GBA2: variants seen among roughly 807,000 people sequenced by gnomAD.
The protein encoded by GBA2 is glucosylceramidase beta 2.
GBA2 carries 79 observed loss-of-function variants against 112.9 expected under a neutral mutation model. The ratio of observed to expected loss-of-function variants is 0.70; its 90% CI spans 0.58 to 0.84. The LOEUF (loss-of-function observed/expected upper bound fraction) is 0.84. GBA2 is among the 40% of genes least tolerant of loss of function. GBA2 has a pLI of 0.00. For missense variants in GBA2, 1,043 were observed against 1,190.0 expected (o/e 0.88, Z 1.82); for synonymous variants, 403 against 434.3 (o/e 0.93, Z 0.90).
In GBA2 at chr9:35,744,583, T is replaced by C. The variant is rs1826879606; in HGVS notation, c.451+32A>G. The stretch of plus-strand genomic sequence containing the variant: ...TGGTAGACCTGGAGGCTAGGCCTTC[T>C]CTGAGCAGAGCAGAGATGGGGTGGG... On this transcript the variant is annotated intron_variant, in intron 2 of 16. Coordinates refer to ENST00000378103, the MANE Select transcript of GBA2 (RefSeq NM_020944.3). 4.4e-6 allele frequency: 6 copies of C among 1,371,388 alleles called. No homozygotes were observed. The East Asian group carries it at 1.4e-4, about 31-fold the overall frequency. The allele number at this position is 1,371,388 out of a possible 1,614,324, so 85.0% of individuals were successfully genotyped here. A position where few individuals can be genotyped will look rare whatever the true frequency, so the allele number is the denominator to read the frequency against.
rs1247647001 is a variant in GBA2 at position 35,740,878 on chromosome 9, G to C, written c.973C>G (p.His325Asp). The C allele has an allele frequency of 6.2e-7, 1 of 1,613,756 alleles. No individual in the cohort carries two copies. The highest frequency in any genetic ancestry group is 8.5e-7 in the Non-Finnish European group (1 of 1,179,796). The change falls in exon 5 of 17, where the codon CAT (histidine) becomes GAT (aspartate). Residue 325 changes from histidine (H) to aspartate (D), a missense_variant. Coordinates refer to ENST00000378103, the MANE Select transcript of GBA2 (RefSeq NM_020944.3). This position sits in a 1 kb window ranked among gnomAD's most constrained non-coding sequence, Gnocchi z 4.7. ...TAGGGGTTTGGAAGGGTTGGATGAT[G>C]CAGGAGCAGCCCCCGGACAGTTTCC... ...SGETVRGLLL[H>D]HPTLPNPYTM...
rs772992019 is a variant in GBA2, at chr9:35,737,715, G to T, written c.2505+33C>A. 6.2e-7 allele frequency: 1 copy of T among 1,611,172 alleles called. No individual in the cohort carries two copies. On this transcript the variant is annotated intron_variant, in intron 16 of 16. Coordinates refer to ENST00000378103, the MANE Select transcript of GBA2 (RefSeq NM_020944.3). The surrounding 1 kb of genome is among the most constrained non-coding windows in gnomAD (Gnocchi z 4.1). ...AGGAAGTTTTCTGGGCCAGGATACA[G>T]ATGGTGGAGAGATGGGAAAAGGAGT...
At chr9:35,742,404 C>G (rs758706649) in intron 3 of GBA2, among the ~76,000 whole-genome samples, 6 of 152,198 alleles carry the variant, frequency 3.9e-5, no homozygotes, top group Non-Finnish European at 5.9e-5. Flanking sequence ...CATGCCTGTG[C>G]TCATGCTTGT....
Position 35,739,045 on chromosome 9 carries a change from A to G in GBA2, c.1752T>C (p.Pro584=). The change falls in exon 11 of 17, where the codon CCT becomes CCC. Residue 584 remains proline, a synonymous_variant. Transcript: ENST00000378103. ...GGGGGATGACGTTCCTCCTTTTCAC[A>G]GGTGCCATCACCCCACTCATCAGGT... The part of the protein sequence containing the change: ...RRYLMSGVMA[P]VKRRNVIPHD... The G allele has an allele frequency of 6.2e-7, 1 of 1,613,646 alleles. No homozygotes were observed.
rs112979503 is a variant in GBA2 at position 35,740,290 on chromosome 9, C to T, written c.1202G>A (p.Arg401Gln). Reference protein sequence around the residue: ...AVCVSSKLRPRGQCRLEFSLA... With the variant: ...AVCVSSKLRPQGQCRLEFSLA... ...TGAAAACTCCAGGCGGCACTGGCCT[C>T]GAGGTCGCAACTTGCTGGAAACACA... Residue 401 changes from arginine (R) to glutamine (Q), a missense_variant, in exon 7 of 17, where the codon CGA (arginine) becomes CAA (glutamine). Coordinates refer to ENST00000378103, the MANE Select transcript of GBA2 (RefSeq NM_020944.3). This position sits in a 1 kb window ranked among gnomAD's most constrained non-coding sequence, Gnocchi z 4.7. 107 of 1,614,096 alleles carry T rather than the reference C, an allele frequency of 6.6e-5. No homozygotes were observed. The highest frequency in any genetic ancestry group is 4.7e-4 in the South Asian group (43 of 91,084).
Position 35,744,682 on chromosome 9 carries a change from C to T in GBA2, c.384G>A (p.Lys128=), listed in dbSNP as rs2132003984. The T allele has an allele frequency of 6.2e-7, 1 of 1,606,454 alleles. No homozygotes were observed. The highest frequency in any genetic ancestry group is 8.5e-7 in the Non-Finnish European group (1 of 1,172,972). Residue 128 remains lysine, a synonymous_variant, in exon 2 of 17, where the codon AAG becomes AAA. Transcript: ENST00000378103. Reference sequence around the variant, plus strand: ...AAGGTGTCTTCTTTTCCACATGGGTCTTCCGGTACCACCACTGCAGGTACC... The same window carrying T: ...AAGGTGTCTTCTTTTCCACATGGGTTTTCCGGTACCACCACTGCAGGTACC... The part of the protein sequence containing the change: ...GLRYLQWWYR[K]THVEKKTPFI...
At position 35,737,232 on chromosome 9, in the gene GBA2, T is replaced by C; in HGVS notation, c.2721A>G (p.Thr907=). 1 of 1,613,540 alleles carries C rather than the reference T, an allele frequency of 6.2e-7. No homozygotes were observed. Among genetic ancestry groups the C allele is most frequent in the East Asian group, 2.2e-5 (1 of 44,892 alleles). The part of the protein sequence containing the change: ...KASWPKVKQG[T]GLRTGPMFGP... ...CAAACATAGGCCCTGTCCTTAGTCC[T>C]GTGCCCTGTTTGACTTTTGGCCAGG... The change falls in exon 17 of 17, where the codon ACA becomes ACG. Residue 907 remains threonine, a synonymous_variant. Coordinates refer to ENST00000378103, the MANE Select transcript of GBA2 (RefSeq NM_020944.3). This position sits in a 1 kb window ranked among gnomAD's most constrained non-coding sequence, Gnocchi z 4.1.
At chr9:35,742,480 T>C (rs975222772) in intron 3 of GBA2, among the ~76,000 whole-genome samples, 2 of 152,240 alleles carry the variant, frequency 1.3e-5, no homozygotes, top group South Asian at 2.1e-4. Flanking sequence ...CCTCCTCTAC[T>C]TCTTCCAGCA....
At position 35,743,551 on chromosome 9, in the gene GBA2, T is replaced by C. The variant is rs112216747; in HGVS notation, c.567+746A>G. Among the ~76,000 whole-genome samples, 1,179 of 152,146 alleles carry C rather than the reference T, an allele frequency of 7.7e-3. 20 individuals are homozygous for C. The highest frequency in any genetic ancestry group is 0.026 in the African/African-American group (1,091 of 41,474). Reference sequence around the variant, plus strand: ...GCTGGTAAACGTGAACCAGGAAGGGTATTGTCATTAATTGGACTAAAGATT... The same window carrying C: ...GCTGGTAAACGTGAACCAGGAAGGGCATTGTCATTAATTGGACTAAAGATT... On this transcript the variant is annotated intron_variant, in intron 3 of 16. Coordinates refer to ENST00000378103, the MANE Select transcript of GBA2 (RefSeq NM_020944.3).
At chr9:35,744,788 C>T in intron 1 of GBA2, 82 bp from the exon 2 acceptor site, 1 of 774,790 alleles carries the variant, frequency 1.3e-6, no homozygotes, top group South Asian at 1.4e-5. Flanking sequence ...CTCTCTGTGA[C>T]CTCCCATTAA....
In GBA2 at chr9:35,741,927, C is replaced by T; in HGVS notation, c.568-37G>A. The T allele has an allele frequency of 7.2e-7, 1 of 1,383,220 alleles. No homozygotes were observed. Among genetic ancestry groups the T allele is most frequent in the South Asian group, 1.2e-5 (1 of 86,060 alleles). The allele number at this position is 1,383,220 out of a possible 1,614,324, so 85.7% of individuals were successfully genotyped here. A position where few individuals can be genotyped will look rare whatever the true frequency, so the allele number is the denominator to read the frequency against. Reference sequence around the variant, plus strand: ...AGATAGGCTGGAACGGGGTAAACCACAGGGACCACAGACTAAGTCTTCCCT... The same window carrying T: ...AGATAGGCTGGAACGGGGTAAACCATAGGGACCACAGACTAAGTCTTCCCT... On this transcript the variant is annotated intron_variant, in intron 3 of 16. Transcript: ENST00000378103. The surrounding 1 kb of genome is among the most constrained non-coding windows in gnomAD (Gnocchi z 4.6).
chr9:35,740,751 G>A lies in GBA2; in HGVS notation c.1026+74C>T. The A allele has an allele frequency of 1.3e-6, 2 of 1,575,058 alleles. No individual in the cohort carries two copies. Among genetic ancestry groups the A allele is most frequent in the Non-Finnish European group, 1.7e-6 (2 of 1,148,010 alleles). On this transcript the variant is annotated intron_variant, in intron 5 of 16. Coordinates refer to ENST00000378103, the MANE Select transcript of GBA2 (RefSeq NM_020944.3). This position sits in a 1 kb window ranked among gnomAD's most constrained non-coding sequence, Gnocchi z 4.7. ...CCAGGGGCTTACAGGAGTATGATGA[G>A]GGTGGATGAAGAGACCATGCTGGGG...
chr9:35,739,229 G>C (rs1826474877), intron 10 of GBA2, 86 bp downstream of exon 10: 1 of 1,072,448 alleles, frequency 9.3e-7, no homozygotes, highest in African/African-American at 1.6e-5. Flanking sequence ...TGAAGGGAAG[G>C]GAAAGAAGAG....
At chr9:35,743,388 T>C (rs1238606118) in intron 3 of GBA2, 1 of 153,596 alleles carries the variant, frequency 6.5e-6, no homozygotes, top group East Asian at 1.9e-4. Context: ...TTAAACAGTA[T>C]ACAAAGAGCC....
chr9:35,744,134 G>C (rs373438436), intron 3 of GBA2, among the ~76,000 whole-genome samples, 163 bp downstream of exon 3: 1 of 151,920 alleles, frequency 6.6e-6, no homozygotes, highest in Non-Finnish European at 1.5e-5. Context: ...TTATTCCTAC[G>C]GTATATCCTA....
chr9:35,739,883 TCA>T, intron 8 of GBA2, 83 bp from the exon 9 acceptor site: 1 of 1,543,428 alleles, frequency 6.5e-7, no homozygotes, highest in Non-Finnish European at 8.9e-7. Context: ...CAGAGTGGGA[TCA>T]TCAAATGAAT....
rs538310610 is a variant in GBA2 at position 35,741,278 on chromosome 9, G to A, written c.787-214C>T. 21 of 583,548 alleles carry A rather than the reference G, an allele frequency of 3.6e-5. No individual in the cohort carries two copies. In the African/African-American group the frequency reaches 3.7e-4, roughly 10 times the overall value. 36.1% of individuals were successfully genotyped at this position (583,548 alleles called of 1,614,324 possible). A position where few individuals can be genotyped will look rare whatever the true frequency, so the allele number is the denominator to read the frequency against. On this transcript the variant is annotated intron_variant, in intron 4 of 16. Coordinates refer to ENST00000378103, the MANE Select transcript of GBA2 (RefSeq NM_020944.3). The surrounding 1 kb of genome is among the most constrained non-coding windows in gnomAD (Gnocchi z 4.6). ...GTTGGGCGGTGGTTCTGGGAAGCCAGTGTGATGTTCATGGCTCCAACCTCC... is the reference window on the plus strand; with the variant it reads ...GTTGGGCGGTGGTTCTGGGAAGCCAATGTGATGTTCATGGCTCCAACCTCC...
chr9:35,748,209 A>G (rs1827089047), intron 1 of GBA2, 137 bp downstream of exon 1: 3 of 624,088 alleles, frequency 4.8e-6, no homozygotes, highest in East Asian at 5.2e-5. Flanking sequence ...CCACAGGCCT[A>G]AAATATGCCA....
intron 3 of GBA2, among the ~76,000 whole-genome samples, chr9:35,742,687 G>A (rs149818246): frequency 7.2e-5 from 11 of 152,256 alleles, no homozygotes; most frequent in African/African-American, 2.2e-4. Context: ...CTGCAGCACC[G>A]TCCCTTTTTC....
Sources: gnomAD v4.1 joint callset for allele counts (sites outside exome capture counted in the v4.1 genomes callset) on GRCh38, gnomAD v4.1.1 for gene constraint, Gnocchi (gnomAD v3.1) non-coding constraint, MANE v1.5 for transcripts, NCBI Gene and HGNC (gene_info 2026-07-23, HGNC 2026-07-21) for gene names.